LIPG: variants seen among roughly 807,000 people sequenced by gnomAD.
LIPG encodes the protein lipase G, endothelial type, also known as endothelial lipase.
Under a neutral mutation model 51.8 loss-of-function variants are expected in LIPG, and 34 were observed. The observed-to-expected ratio is 0.66, with a 90% CI of 0.50 to 0.87. The LOEUF is 0.87. Ranked by LOEUF, LIPG falls within the 40% of genes least tolerant of loss-of-function variation. The pLI is 0.00. For missense variants in LIPG, 580 were observed against 652.7 expected, an observed-to-expected ratio of 0.89 and a Z score of 1.21; for synonymous variants, 246 against 246.1, an observed-to-expected ratio of 1.00 and a Z score of 0.00.
chr18:49,585,130 T>C (rs1448712704), intron 8 of LIPG, among the ~76,000 whole-genome samples: 10 of 152,218 alleles, frequency 6.6e-5, no homozygotes, highest in Admixed American at 6.5e-4. Context: ...GGCACAATCT[T>C]GGCTCACTGC....
intron 5 of LIPG, among the ~76,000 whole-genome samples, chr18:49,579,019 A>T (rs1333163657): frequency 0.023 from 3 of 128 alleles, no homozygotes; most frequent in East Asian, 0.19. Context: ...GGAGAGGGAG[A>T]GGGAGAGGGA....
At chr18:49,571,031 C>A (rs1256658180) in intron 4 of LIPG, among the ~76,000 whole-genome samples, 1 of 152,198 alleles carries the variant, frequency 6.6e-6, no homozygotes, top group African/African-American at 2.4e-5. Flanking sequence ...CATGCACACA[C>A]ATGCCTGTTG....
At chr18:49,562,616 G>A (rs956276714) in intron 1 of LIPG, among the ~76,000 whole-genome samples, 4 of 152,222 alleles carry the variant, frequency 2.6e-5, no homozygotes, top group Admixed American at 6.5e-5. Flanking sequence ...GGCAAAGGCT[G>A]GCAGGGTGCG....
At chr18:49,587,302 G>T (rs965659996) in intron 9 of LIPG, among the ~76,000 whole-genome samples, 2 of 151,694 alleles carry the variant, frequency 1.3e-5, no homozygotes, top group Non-Finnish European at 2.9e-5. Flanking sequence ...CAGGCATGGA[G>T]GCTCACGCCT....
intron 6 of LIPG, 153 bp downstream of exon 6, chr18:49,581,810 A>T: frequency 1.1e-6 from 1 of 943,344 alleles, no homozygotes; most frequent in Non-Finnish European, 1.7e-6. Context: ...TGCATGTCCT[A>T]GGAAAGGGAA....
At chr18:49,570,637 T>C (rs1600547580) in intron 4 of LIPG, among the ~76,000 whole-genome samples, 1 of 152,200 alleles carries the variant, frequency 6.6e-6, no homozygotes, top group African/African-American at 2.4e-5. Flanking sequence ...AAGACCAGCC[T>C]GGCCAACATG....
intron 3 of LIPG, among the ~76,000 whole-genome samples, chr18:49,568,883 C>T (rs1284828298): frequency 6.6e-6 from 1 of 150,826 alleles, no homozygotes; most frequent in East Asian, 1.9e-4. Context: ...CTAAGCTCTT[C>T]TATAGAGTTT....
At chr18:49,569,615 G>T in intron 4 of LIPG, 67 bp downstream of exon 4, 1 of 1,222,644 alleles carries the variant, frequency 8.2e-7, no homozygotes, top group Non-Finnish European at 1.2e-6. Flanking sequence ...CCCAAATGAG[G>T]CAGCAGAGTG....
At chr18:49,561,816 T>C, upstream of LIPG, 1 of 1,255,658 alleles carries the variant, frequency 8.0e-7, no homozygotes, top group Non-Finnish European at 1.0e-6. Context: ...GGGAGAAAGC[T>C]GGAGCTGCTG....
chr18:49,587,289 G>A lies in LIPG; in HGVS notation c.1481+439G>A, dbSNP rs544581222. ...AGCTCTGTCTCAAAAAGAAAGAAAG[G>A]GCCAGGCATGGAGGCTCACGCCTGT... On this transcript the variant is annotated intron_variant, in intron 9 of 9. Coordinates refer to ENST00000261292, the MANE Select transcript of LIPG (RefSeq NM_006033.4). Among the ~76,000 whole-genome samples the A allele has an allele frequency of 8.6e-5, 13 of 151,116 alleles. No homozygotes were observed. In the South Asian group the frequency reaches 2.5e-3, roughly 29 times the overall value.
At chr18:49,563,059 C>T (rs1316273320) in intron 1 of LIPG, among the ~76,000 whole-genome samples, 1 of 152,200 alleles carries the variant, frequency 6.6e-6, no homozygotes, top group Non-Finnish European at 1.5e-5. Flanking sequence ...CAGCCTTTGC[C>T]AGTGGAGGCA....
chr18:49,576,653 T>G (rs2084722555), intron 5 of LIPG, among the ~76,000 whole-genome samples: 1 of 151,948 alleles, frequency 6.6e-6, no homozygotes, highest in African/African-American at 2.4e-5. Context: ...GTATTTTTAG[T>G]AGAGATGGGG....
chr18:49,582,736 G>A (rs1208736807), intron 7 of LIPG, among the ~76,000 whole-genome samples: 1 of 152,240 alleles, frequency 6.6e-6, no homozygotes, highest in African/African-American at 2.4e-5. Context: ...TGCTGGGTCA[G>A]CAGCTGGATC....
At position 49,596,121 on chromosome 18, in the gene LIPG, C is replaced by T. The variant is rs945791383; in HGVS notation, c.*5599C>T. On this transcript the variant is annotated 3_prime_UTR_variant, in exon 10 of 10. Coordinates refer to ENST00000261292, the MANE Select transcript of LIPG (RefSeq NM_006033.4). ...ACATAACAAACCTGCATACGTACCC[C>T]TGAAACTAAAGTAGAAGTTAAAACC... is the stretch of plus-strand genomic sequence containing the variant. 2 of 152,170 alleles carry T rather than the reference C, an allele frequency of 1.3e-5. No homozygotes were observed. The highest frequency in any genetic ancestry group is 1.5e-5 in the Non-Finnish European group (1 of 68,020). 9.4% of individuals were successfully genotyped at this position (152,170 alleles called of 1,614,324 possible). A position where few individuals can be genotyped will look rare whatever the true frequency, so the allele number is the denominator to read the frequency against.
rs1223731669 is a variant in LIPG at position 49,596,158 on chromosome 18, C to G, written c.*5636C>G. On this transcript the variant is annotated 3_prime_UTR_variant, in exon 10 of 10. Transcript: ENST00000261292. ...TAGAAGTTAAAACCATCAACCCCCC[C>G]AAAACAAAAATGAATTCCATCTGAA... 2.6e-5 allele frequency: 4 copies of G among 151,864 alleles called. No individual in the cohort carries two copies. Among genetic ancestry groups the G allele is most frequent in the Admixed American group, 6.6e-5 (1 of 15,260 alleles). 9.4% of individuals were successfully genotyped at this position (151,864 alleles called of 1,614,324 possible).
chr18:49,577,014 T>A (rs1244671432), intron 5 of LIPG, among the ~76,000 whole-genome samples: 5 of 151,698 alleles, frequency 3.3e-5, no homozygotes, highest in Non-Finnish European at 7.4e-5. Flanking sequence ...TTATTTTATT[T>A]TTTATTTATT....
rs1480355983 is a variant in LIPG, at chr18:49,595,597, A to G, written c.*5075A>G. On this transcript the variant is annotated 3_prime_UTR_variant, in exon 10 of 10. Transcript: ENST00000261292. ...GTAATCTCAGCACTTTGGGAGGCTG[A>G]GATGGGAGGATCACGAGGTCAGGAG... 1 of 152,232 alleles carries G rather than the reference A, an allele frequency of 6.6e-6. No individual in the cohort carries two copies. The highest frequency in any genetic ancestry group is 6.5e-5 in the Admixed American group (1 of 15,280). 9.4% of individuals were successfully genotyped at this position (152,232 alleles called of 1,614,324 possible).
At chr18:49,585,786 G>A (rs2084874043) in intron 8 of LIPG, among the ~76,000 whole-genome samples, 1 of 152,208 alleles carries the variant, frequency 6.6e-6, no homozygotes, top group South Asian at 2.1e-4. Flanking sequence ...CTTAACTATG[G>A]ATGAAGAGTT....
chr18:49,570,036 G>T (rs1014608287), intron 4 of LIPG, among the ~76,000 whole-genome samples: 2 of 152,224 alleles, frequency 1.3e-5, no homozygotes, highest in Admixed American at 6.5e-5. Context: ...TCCACCCAAG[G>T]ACTCAGGGGA....
Sources: gnomAD v4.1 joint callset for allele counts (sites outside exome capture counted in the v4.1 genomes callset) on GRCh38, gnomAD v4.1.1 for gene constraint, MANE v1.5 for transcripts, NCBI Gene and HGNC (gene_info 2026-07-23, HGNC 2026-07-21) for gene names.